The following TMEM108 variants were observed in gnomAD, a reference collection of about 807,000 sequenced individuals.
The protein encoded by TMEM108 is cancer/testis antigen 124.
Under a neutral mutation model 35.1 loss-of-function variants are expected in TMEM108, and 12 were observed. That is an observed-to-expected ratio of 0.34 (90% confidence interval 0.22 to 0.55). The LOEUF (loss-of-function observed/expected upper bound fraction) is 0.55, where lower values mean the gene tolerates loss of function less well. Ranked by LOEUF, TMEM108 falls within the 20% of genes least tolerant of loss-of-function variation. The pLI, the probability that TMEM108 is intolerant of heterozygous loss-of-function variation, is 0.89. For missense variants in TMEM108, 680 were observed against 753.3 expected, an observed-to-expected ratio of 0.90 and a Z score of 1.14; for synonymous variants, 287 against 308.6, an observed-to-expected ratio of 0.93 and a Z score of 0.73.
intron 2 of TMEM108, among the ~76,000 whole-genome samples, chr3:133,133,800 A>G (rs751503909): frequency 1.0e-4 from 15 of 144,994 alleles, no homozygotes; most frequent in South Asian, 2.2e-4. Flanking sequence ...ACGCCATTCT[A>G]TCGCCCAGGA....
At chr3:133,245,238 G>A (rs566231786) in intron 3 of TMEM108, among the ~76,000 whole-genome samples, 58 of 152,330 alleles carry the variant, frequency 3.8e-4, no homozygotes, top group African/African-American at 1.2e-3. Flanking sequence ...GTTGATGTGA[G>A]AGAAGAGGCT....
At chr3:133,188,775 T>G (rs1252792018) in intron 2 of TMEM108, among the ~76,000 whole-genome samples, 1 of 152,118 alleles carries the variant, frequency 6.6e-6, no homozygotes, top group Non-Finnish European at 1.5e-5. Flanking sequence ...TAATAAAAAT[T>G]TATTTATTGT....
intron 2 of TMEM108, among the ~76,000 whole-genome samples, chr3:133,196,620 G>A (rs1945581712): frequency 6.6e-6 from 1 of 152,190 alleles, no homozygotes; most frequent in Non-Finnish European, 1.5e-5. Context: ...GTAGGGGATT[G>A]CATTCAGCAG....
intron 2 of TMEM108, among the ~76,000 whole-genome samples, chr3:133,104,198 A>G (rs1321942866): frequency 6.6e-6 from 1 of 152,180 alleles, no homozygotes; most frequent in Non-Finnish European, 1.5e-5. Context: ...TGGGATGATA[A>G]TAATAATGCA....
chr3:133,336,274 T>C (rs1289029923), intron 3 of TMEM108, among the ~76,000 whole-genome samples: 4 of 152,096 alleles, frequency 2.6e-5, no homozygotes, highest in African/African-American at 7.2e-5. Flanking sequence ...GAGATTTGCT[T>C]ATCCCACCCT....
chr3:133,389,102 CCT>C (rs778774427), intron 4 of TMEM108: 104 of 985,500 alleles, frequency 1.1e-4, no homozygotes, highest in Non-Finnish European at 1.2e-4. Flanking sequence ...CCCCAAGAGG[CCT>C]CTGTCACCCT....
intron 1 of TMEM108, among the ~76,000 whole-genome samples, chr3:133,041,270 A>G (rs969265011): frequency 7.2e-5 from 11 of 152,188 alleles, no homozygotes; most frequent in African/African-American, 1.2e-4. Flanking sequence ...TACACGTCTC[A>G]GGTTGTAAGC....
intron 2 of TMEM108, among the ~76,000 whole-genome samples, chr3:133,184,278 A>G (rs1480996706): frequency 6.6e-6 from 1 of 152,260 alleles, no homozygotes; most frequent in Non-Finnish European, 1.5e-5. Flanking sequence ...GAAATAATTT[A>G]TGTATATAAC....
chr3:133,227,453 A>C (rs1298094422), intron 2 of TMEM108, among the ~76,000 whole-genome samples: 1 of 148,730 alleles, frequency 6.7e-6, no homozygotes, highest in South Asian at 2.2e-4. Flanking sequence ...TCGGCCTCCC[A>C]AAGTGCTGGG....
chr3:133,158,465 TAAAAA>T (rs11328701), intron 2 of TMEM108, among the ~76,000 whole-genome samples: 1 of 80,650 alleles, frequency 1.2e-5, no homozygotes, highest in African/African-American at 4.9e-5. Context: ...AGACTCTGTC[TAAAAA>T]AAAAAAAAAA....
chr3:133,252,752 T>C (rs1946489169), intron 3 of TMEM108, among the ~76,000 whole-genome samples: 1 of 152,180 alleles, frequency 6.6e-6, no homozygotes, highest in South Asian at 2.1e-4. Context: ...GAACTTCTGA[T>C]CACTTATCTG....
rs66703555 is a variant in TMEM108 at position 133,300,975 on chromosome 3, TACACACACACACACACACACAC to T, written c.40+71664_40+71685del. Among the ~76,000 whole-genome samples, 1,134 of 131,340 alleles carry T rather than the reference TACACACACACACACACACACAC, an allele frequency of 8.6e-3. 26 individuals are homozygous for T. The highest frequency in any genetic ancestry group is 0.032 in the African/African-American group (1,050 of 33,156). The allele number at this position is 131,340 out of a possible 152,430, so 86.2% of individuals were successfully genotyped here. On this transcript the variant is annotated intron_variant, in intron 3 of 5. Coordinates refer to ENST00000321871, the MANE Select transcript of TMEM108 (RefSeq NM_023943.4). ...AAAATACAATTAATACAGACCCCAG[TACACACACACACACACACACAC>T]ACACACACACACACACACACACACA... is the stretch of plus-strand genomic sequence containing the variant.
intron 3 of TMEM108, among the ~76,000 whole-genome samples, chr3:133,287,028 C>G (rs368156515): frequency 4.6e-5 from 7 of 152,124 alleles, no homozygotes; most frequent in African/African-American, 1.4e-4. Context: ...AGTTGAATCC[C>G]GTGCTCTTCT....
intron 2 of TMEM108, among the ~76,000 whole-genome samples, chr3:133,099,985 A>AT (rs1357895538): frequency 2.0e-5 from 3 of 152,124 alleles, no homozygotes; most frequent in Non-Finnish European, 4.4e-5. Flanking sequence ...CCTGGTACTA[A>AT]TTTATGGTAT....
At chr3:133,214,871 G>A (rs1945883638) in intron 2 of TMEM108, among the ~76,000 whole-genome samples, 1 of 152,076 alleles carries the variant, frequency 6.6e-6, no homozygotes, top group Non-Finnish European at 1.5e-5. Flanking sequence ...TAGGTTGCAT[G>A]TTCCTTATAA....
intron 3 of TMEM108, among the ~76,000 whole-genome samples, chr3:133,351,245 G>A (rs992508102): frequency 6.6e-6 from 1 of 152,142 alleles, no homozygotes; most frequent in African/African-American, 2.4e-5. Context: ...TTGCTCCTGT[G>A]AGACCTCAAA....
At chr3:133,254,992 C>T (rs556250087) in intron 3 of TMEM108, among the ~76,000 whole-genome samples, 33 of 152,188 alleles carry the variant, frequency 2.2e-4, no homozygotes, top group Non-Finnish European at 4.0e-4. Context: ...TGTGGCCTCT[C>T]CATGTGGCCT....
intron 3 of TMEM108, among the ~76,000 whole-genome samples, chr3:133,242,196 A>G (rs1027511349): frequency 2.6e-5 from 4 of 152,198 alleles, no homozygotes; most frequent in Admixed American, 2.0e-4. Context: ...TTTTCCCAGT[A>G]AGATCATATT....
At chr3:133,127,851 A>G (rs928638496) in intron 2 of TMEM108, among the ~76,000 whole-genome samples, 4 of 152,170 alleles carry the variant, frequency 2.6e-5, no homozygotes, top group African/African-American at 7.2e-5. Context: ...TTGTTGATTT[A>G]TGTTAATTTG....
Sources: allele counts gnomAD v4.1 joint callset (sites outside exome capture counted in the v4.1 genomes callset), GRCh38; gene constraint gnomAD v4.1.1; transcripts MANE v1.5; gene names NCBI Gene and HGNC (gene_info 2026-07-23, HGNC 2026-07-21).